FGGY: variants seen among roughly 807,000 people sequenced by gnomAD.
FGGY encodes the protein FGGY carbohydrate kinase domain-containing protein.
Under a neutral mutation model 71.3 loss-of-function variants are expected in FGGY, and 72 were observed. The observed-to-expected ratio is 1.01, with a 90% CI of 0.84 to 1.23. The LOEUF is 1.23. Ranked by LOEUF, FGGY falls within the 50% of genes most tolerant of loss-of-function variation. FGGY has a pLI of 0.00. For missense variants in FGGY, 668 were observed against 682.3 expected, an observed-to-expected ratio of 0.98 and a Z score of 0.23; for synonymous variants, 251 against 250.3, an observed-to-expected ratio of 1.00 and a Z score of -0.02.
intron 14 of FGGY, among the ~76,000 whole-genome samples, chr1:59,746,332 C>A (rs570014962): frequency 2.0e-5 from 3 of 152,250 alleles, no homozygotes; most frequent in Admixed American, 6.5e-5. Flanking sequence ...ATCACCTTCC[C>A]CAACCCACCT....
In FGGY at chr1:59,638,270, G is replaced by T; in HGVS notation, c.1116G>T (p.Leu372=). ...IYAYLNSHLD[L]IKKAQPVGFL... is the part of the protein sequence containing the mutation. ...CATATTTGAACAGTCACCTGGATCT[G>T]ATTAAGAAGGCTCAGCCTGTGGGTT... The change falls in exon 11 of 16, where the codon CTG becomes CTT. Residue 372 remains leucine (L), a synonymous_variant. Coordinates refer to ENST00000303721, the MANE Select transcript of FGGY (RefSeq NM_018291.5). The T allele has an allele frequency of 6.2e-7, 1 of 1,614,202 alleles. No homozygotes were observed. Among genetic ancestry groups the T allele is most frequent in the South Asian group, 1.1e-5 (1 of 91,080 alleles).
chr1:59,588,485 A>T (rs1292969475), intron 8 of FGGY, among the ~76,000 whole-genome samples: 1 of 152,192 alleles, frequency 6.6e-6, no homozygotes, highest in African/African-American at 2.4e-5. Flanking sequence ...TCCAAGACAC[A>T]TAATTGTCAG....
intron 7 of FGGY, among the ~76,000 whole-genome samples, chr1:59,531,717 A>G (rs528817245): frequency 2.0e-5 from 3 of 152,322 alleles, no homozygotes; most frequent in African/African-American, 7.2e-5. Context: ...GGAAGTATAT[A>G]TATTTGAGTT....
chr1:59,707,931 G>C (rs2097767976), intron 14 of FGGY, among the ~76,000 whole-genome samples: 1 of 152,144 alleles, frequency 6.6e-6, no homozygotes. Context: ...TTGTATACCT[G>C]TTCTTTAATT....
intron 14 of FGGY, among the ~76,000 whole-genome samples, chr1:59,706,921 G>A (rs1369067728): frequency 6.6e-6 from 1 of 152,216 alleles, no homozygotes; most frequent in Non-Finnish European, 1.5e-5. Context: ...TGTATCTCCT[G>A]TCCATTTAAG....
chr1:59,640,611 C>T (rs1165178381), intron 11 of FGGY, among the ~76,000 whole-genome samples: 1 of 142,072 alleles, frequency 7.0e-6, no homozygotes, highest in African/African-American at 2.9e-5. Context: ...AAAACGTTTC[C>T]CTGGACACAG....
At chr1:59,684,894 C>T (rs2097532429) in intron 14 of FGGY, among the ~76,000 whole-genome samples, 1 of 152,216 alleles carries the variant, frequency 6.6e-6, no homozygotes, top group Non-Finnish European at 1.5e-5. Context: ...ACATTTAGCA[C>T]AATGCCTATT....
At chr1:59,392,768 G>T in intron 5 of FGGY, among the ~76,000 whole-genome samples, 1 of 151,086 alleles carries the variant, frequency 6.6e-6, no homozygotes, top group East Asian at 1.9e-4. Flanking sequence ...CTTCTTCTCT[G>T]TAAATTATCA....
At chr1:59,369,301 C>A (rs536407780) in intron 4 of FGGY, among the ~76,000 whole-genome samples, 38 of 152,272 alleles carry the variant, frequency 2.5e-4, no homozygotes, top group African/African-American at 8.7e-4. Context: ...CACGGAGTCT[C>A]GCTGATTGCT....
At chr1:59,456,704 T>A (rs753424954) in intron 5 of FGGY, among the ~76,000 whole-genome samples, 1 of 152,196 alleles carries the variant, frequency 6.6e-6, no homozygotes, top group Non-Finnish European at 1.5e-5. Context: ...TGCCTTGGCC[T>A]CCCAAAGTGC....
intron 2 of FGGY, among the ~76,000 whole-genome samples, chr1:59,328,979 A>G (rs536380903): frequency 9.2e-5 from 14 of 152,330 alleles, no homozygotes; most frequent in Admixed American, 2.6e-4. Context: ...TATTAATGAA[A>G]GTTTGAAATA....
At chr1:59,426,936 T>C (rs2066480712) in intron 5 of FGGY, among the ~76,000 whole-genome samples, 2 of 150,972 alleles carry the variant, frequency 1.3e-5, no homozygotes, top group Non-Finnish European at 2.9e-5. Context: ...ATTATTATGA[T>C]CATGATTATT....
At chr1:59,387,584 A>T (rs903251396) in intron 5 of FGGY, among the ~76,000 whole-genome samples, 26 of 151,948 alleles carry the variant, frequency 1.7e-4, no homozygotes, top group African/African-American at 5.1e-4. Context: ...GTGAGAATTT[A>T]AAAAAAAATT....
At chr1:59,623,477 A>C (rs1170487246) in intron 9 of FGGY, among the ~76,000 whole-genome samples, 3 of 152,200 alleles carry the variant, frequency 2.0e-5, no homozygotes, top group African/African-American at 7.2e-5. Flanking sequence ...ACATGGTGCT[A>C]TCTGTGTTTT....
At chr1:59,713,929 G>C (rs145756100) in intron 14 of FGGY, among the ~76,000 whole-genome samples, 2 of 152,312 alleles carry the variant, frequency 1.3e-5, no homozygotes, top group African/African-American at 4.8e-5. Flanking sequence ...TTCAGAAGAA[G>C]CAACACAGAA....
chr1:59,652,312 T>C (rs983611313), intron 11 of FGGY, among the ~76,000 whole-genome samples: 4 of 148,858 alleles, frequency 2.7e-5, no homozygotes, highest in African/African-American at 1.0e-4. Context: ...CTTGCTAGAT[T>C]GGGGAAGTTC....
intron 11 of FGGY, among the ~76,000 whole-genome samples, chr1:59,641,027 G>A (rs530474665): frequency 2.0e-5 from 3 of 150,856 alleles, no homozygotes; most frequent in East Asian, 3.9e-4. Context: ...CCAGATGCAT[G>A]GAAGACGATT....
chr1:59,370,777 C>T (rs2153274977), intron 4 of FGGY, among the ~76,000 whole-genome samples: 1 of 151,294 alleles, frequency 6.6e-6, no homozygotes, highest in East Asian at 1.9e-4. Flanking sequence ...AAAGAATTTT[C>T]AACCCAGAAT....
At chr1:59,665,567 G>A (rs1472899019) in intron 12 of FGGY, among the ~76,000 whole-genome samples, 1 of 152,090 alleles carries the variant, frequency 6.6e-6, no homozygotes, top group Non-Finnish European at 1.5e-5. Flanking sequence ...ATCCCCTGGG[G>A]TGACAGCTCC....
Sources: allele counts gnomAD v4.1 joint callset (sites outside exome capture counted in the v4.1 genomes callset), GRCh38; gene constraint gnomAD v4.1.1; transcripts MANE v1.5; gene names NCBI Gene and HGNC (gene_info 2026-07-23, HGNC 2026-07-21).